Variants in MDN1 observed in about 807,000 individuals in gnomAD.
MDN1 encodes the protein midasin.
A neutral mutation model predicts 669.2 loss-of-function variants in MDN1; 266 were observed. That is an observed-to-expected ratio of 0.40 (90% CI 0.36 to 0.44). The LOEUF is 0.44. Ranked by LOEUF, MDN1 falls within the 20% of genes least tolerant of loss-of-function variation. The pLI is 1.00. For missense variants in MDN1, 5,940 were observed against 6,754.0 expected (o/e 0.88, Z 4.22); for synonymous variants, 2,385 against 2,457.1 (o/e 0.97, Z 0.87).
At position 89,650,749 on chromosome 6, in the gene MDN1, G is replaced by A; in HGVS notation, c.16014C>T (p.Thr5338=). The A allele has an allele frequency of 6.2e-7, 1 of 1,613,824 alleles. No homozygotes were observed. The highest frequency in any genetic ancestry group is 8.5e-7 in the Non-Finnish European group (1 of 1,179,874). The change falls in exon 96 of 102, where the codon ACC becomes ACT. Residue 5338 remains threonine (T), a synonymous_variant. Transcript: ENST00000369393. ...CEELRLILEP[T]QAAKLKGDYR... is the part of the protein sequence containing the mutation. ...AGACTTACTTCAGCTTGGCTGCCTG[G>A]GTAGGCTCTAATATGAGACGAAGCT... is the stretch of plus-strand genomic sequence containing the variant.
At chr6:89,667,973 G>A in intron 84 of MDN1, 41 bp downstream of exon 84, 1 of 1,598,694 alleles carries the variant, frequency 6.3e-7, no homozygotes, top group Non-Finnish European at 8.5e-7. Context: ...AAAAGAAAGA[G>A]AGTGATCTTC....
intron 101 of MDN1, 125 bp downstream of exon 101, chr6:89,644,890 C>CA: frequency 9.5e-7 from 1 of 1,057,976 alleles, no homozygotes; most frequent in South Asian, 2.0e-5. Context: ...TGGTACTTGA[C>CA]AGAATACTAT....
In MDN1 at chr6:89,707,401, T is replaced by C. The variant is rs758963952; in HGVS notation, c.7974A>G (p.Leu2658=). Residue 2658 remains leucine (L), a synonymous_variant, in exon 52 of 102, where the codon CTA becomes CTG. Transcript: ENST00000369393. Reference sequence around the variant, plus strand: ...AGGACATTCTCAAAACACTCTCTCTTAGCTTTTTGCTACCAACAGAAACCA... The same window carrying C: ...AGGACATTCTCAAAACACTCTCTCTCAGCTTTTTGCTACCAACAGAAACCA... ...ANLVSVGSKK[L]RESVLRMSFE... is the part of the protein sequence containing the mutation. 2.3e-5 allele frequency: 37 copies of C among 1,613,802 alleles called. No individual in the cohort carries two copies. The South Asian group carries it at 3.6e-4, about 16-fold the overall frequency.
At chr6:89,647,219 A>T (rs998028622) in intron 99 of MDN1, among the ~76,000 whole-genome samples, 5 of 152,204 alleles carry the variant, frequency 3.3e-5, no homozygotes, top group Non-Finnish European at 7.3e-5. Context: ...AATAAACCAA[A>T]CAGCTGTCTT....
At chr6:89,762,275 C>T (rs970935659) in intron 16 of MDN1, 44 bp downstream of exon 16, 15 of 1,517,592 alleles carry the variant, frequency 9.9e-6, no homozygotes, top group Non-Finnish European at 1.3e-5. Flanking sequence ...AACTAAAGCC[C>T]AGCCCCATGC....
chr6:89,784,339 T>C (rs1300050246), intron 9 of MDN1, among the ~76,000 whole-genome samples: 1 of 151,740 alleles, frequency 6.6e-6, no homozygotes, highest in East Asian at 1.9e-4. Flanking sequence ...AAAATAAAAA[T>C]AAAAGATTGA....
At chr6:89,658,103 A>C in intron 90 of MDN1, 106 bp downstream of exon 90, 1 of 1,388,868 alleles carries the variant, frequency 7.2e-7, no homozygotes. Flanking sequence ...CAAACAACAA[A>C]ATAACCAAAC....
Position 89,693,052 on chromosome 6 carries a change from C to T in MDN1, c.9978G>A (p.Leu3326=). 6.2e-7 allele frequency: 1 copy of T among 1,614,152 alleles called. No homozygotes were observed. Among genetic ancestry groups the T allele is most frequent in the Non-Finnish European group, 8.5e-7 (1 of 1,180,022 alleles). The change falls in exon 63 of 102, where the codon CTG becomes CTA. Residue 3326 remains leucine, a synonymous_variant. Coordinates refer to ENST00000369393, the MANE Select transcript of MDN1 (RefSeq NM_014611.3). ...FRPQLPAYES[L]VQEIHHYVTS... is the part of the protein sequence containing the mutation. ...TGACGTAGTGGTGGATCTCCTGAAC[C>T]AGGGACTCGTAGGCAGGCAGCTGGG...
At position 89,718,513 on chromosome 6, in the gene MDN1, C is replaced by T. The variant is rs530817537; in HGVS notation, c.6436G>A (p.Ala2146Thr). Residue 2146 changes from alanine to threonine, a missense_variant, in exon 43 of 102, where the codon GCC becomes ACC. This residue lies in a region of MDN1 where 2,292 missense variants were observed against 2,638.3 expected (regional missense o/e 0.87). Transcript: ENST00000369393. ...SADDAEVVLR[A>T]WSHFLLTYKP... ...TATGTCAGAAGAAAATGACTCCAGG[C>T]TCGCAGCACTACTTCTGCATCATCA... The T allele has an allele frequency of 2.5e-5, 41 of 1,614,000 alleles. No individual in the cohort carries two copies. Among genetic ancestry groups the T allele is most frequent in the Non-Finnish European group, 3.1e-5 (37 of 1,180,036 alleles).
At chr6:89,686,872 G>C (rs749462247) in intron 69 of MDN1, 30 bp downstream of exon 69, 16 of 1,611,546 alleles carry the variant, frequency 9.9e-6, no homozygotes, top group Non-Finnish European at 1.4e-5. Context: ...GAAGCTCTAA[G>C]TGGGCAGGAA....
chr6:89,725,200 T>C lies in MDN1; in HGVS notation c.5669A>G (p.Gln1890Arg). ...CTCTATGGCAACAGCAAATCTTACC[T>C]GAGTGAATCTGTTAAGGAAAGACCT... ...LPRSFLNRFTQVFVDPLTVID... is the reference protein window; with the variant it reads ...LPRSFLNRFTRVFVDPLTVID... Residue 1890 changes from glutamine to arginine, a missense_variant and splice_region_variant, in exon 38 of 102, where the codon CAG becomes CGG. By Grantham distance (43) the Gln-to-Arg change is conservative. This residue lies in a region of MDN1 where 2,292 missense variants were observed against 2,638.3 expected (regional missense o/e 0.87). Coordinates refer to ENST00000369393, the MANE Select transcript of MDN1 (RefSeq NM_014611.3). 2 of 1,613,904 alleles carry C rather than the reference T, an allele frequency of 1.2e-6. No homozygotes were observed. The highest frequency in any genetic ancestry group is 1.3e-5 in the African/African-American group (1 of 75,044).
In MDN1 at chr6:89,674,406, C is replaced by A; in HGVS notation, c.12945G>T (p.Gly4315=). Residue 4315 remains glycine, a synonymous_variant, in exon 79 of 102, where the codon GGG becomes GGT. Transcript: ENST00000369393. Reference sequence around the variant, plus strand: ...GGACATTGCCATGGCCTGGAGCTGGCCCTACACTGGGGCAGCACTGGAGGA... The same window carrying A: ...GGACATTGCCATGGCCTGGAGCTGGACCTACACTGGGGCAGCACTGGAGGA... ...SWLLQCCPSV[G]PAPGHGNVQV... The A allele has an allele frequency of 6.2e-7, 1 of 1,614,174 alleles. No individual in the cohort carries two copies. Among genetic ancestry groups the A allele is most frequent in the Non-Finnish European group, 8.5e-7 (1 of 1,180,030 alleles).
chr6:89,772,696 G>T lies in MDN1; in HGVS notation c.1960C>A (p.Arg654=), dbSNP rs756845451. Residue 654 remains arginine, a synonymous_variant, in exon 14 of 102, where the codon CGG becomes AGG. Coordinates refer to ENST00000369393, the MANE Select transcript of MDN1 (RefSeq NM_014611.3). ...TGCTCGATGAGAACAGAGGACGGCC[G>T]TGTAGCAGCGAAAGTGAACTTCTCC... The part of the protein sequence containing the change: ...QREKFTFAAT[R]PSSVLIEQLA... The T allele has an allele frequency of 6.2e-7, 1 of 1,613,706 alleles. No homozygotes were observed. The highest frequency in any genetic ancestry group is 1.1e-5 in the South Asian group (1 of 91,032).
Position 89,674,341 on chromosome 6 carries a change from G to T in MDN1, c.13010C>A (p.Pro4337Gln). The change falls in exon 79 of 102, where the codon CCA (proline) becomes CAA (glutamine). Residue 4337 changes from proline to glutamine, a missense_variant. By Grantham distance (76) the Pro-to-Gln change is moderately conservative (BLOSUM62 -1). Transcript: ENST00000369393. ...GQPPGPCLEG[P>Q]ELSKGQLCGV... ...ACAAAGTTGTCCCTTGCTAAGTTCT[G>T]GTCCTTCCAGGCAGGGGCCAGGAGG... 1 of 1,614,240 alleles carries T rather than the reference G, an allele frequency of 6.2e-7. No individual in the cohort carries two copies. Among genetic ancestry groups the T allele is most frequent in the Middle Eastern group, 1.6e-4 (1 of 6,062 alleles).
chr6:89,680,275 A>G (rs564169119), intron 74 of MDN1, among the ~76,000 whole-genome samples: 25 of 152,346 alleles, frequency 1.6e-4, no homozygotes, highest in Admixed American at 3.9e-4. Context: ...GACAGCTTAG[A>G]CACTGGGAAA....
rs35169575 is a variant in MDN1, at chr6:89,796,324, C to CAAAA, written c.330-1527_330-1524dup. 2.4e-3 allele frequency among the ~76,000 whole-genome samples: 108 copies of CAAAA among 45,326 alleles called. 16 individuals are homozygous for CAAAA. Among genetic ancestry groups the CAAAA allele is most frequent in the African/African-American group, 9.5e-3 (65 of 6,828 alleles). 29.7% of individuals were successfully genotyped at this position (45,326 alleles called of 152,430 possible). The stretch of plus-strand genomic sequence containing the variant: ...GGGCGACAAGAGCAAAACTCTGTCT[C>CAAAA]AAAAAAAAAAAAAAAAAAAAAAAAA... On this transcript the variant is annotated intron_variant, in intron 2 of 101. Coordinates refer to ENST00000369393, the MANE Select transcript of MDN1 (RefSeq NM_014611.3).
intron 40 of MDN1, among the ~76,000 whole-genome samples, chr6:89,722,674 C>T (rs376350194): frequency 1.2e-3 from 178 of 152,018 alleles, no homozygotes; most frequent in Middle Eastern, 3.4e-3. Context: ...ATGGTGAAAC[C>T]CCGTTTCTAC....
intron 26 of MDN1, 118 bp downstream of exon 26, chr6:89,749,104 TA>T (rs904883997): frequency 2.3e-4 from 217 of 951,154 alleles, no homozygotes; most frequent in Non-Finnish European, 2.8e-4. Flanking sequence ...CAATAAAAAA[TA>T]AAAAAAAATC....
chr6:89,694,359 G>C (rs925486430), intron 61 of MDN1, among the ~76,000 whole-genome samples, 176 bp from the exon 62 acceptor site: 3 of 152,284 alleles, frequency 2.0e-5, no homozygotes, highest in South Asian at 2.1e-4. Context: ...GCTGTGAGGG[G>C]AAAGAAACGA....
Sources: allele counts gnomAD v4.1 joint callset (sites outside exome capture counted in the v4.1 genomes callset), GRCh38; gene constraint gnomAD v4.1.1; regional missense constraint gnomAD v4.1.1; transcripts MANE v1.5; gene names NCBI Gene and HGNC (gene_info 2026-07-23, HGNC 2026-07-21).